PIGU: variants seen among roughly 807,000 people sequenced by gnomAD.
PIGU encodes GPI-anchor transamidase component PIGU.
PIGU carries 24 observed loss-of-function variants against 49.9 expected under a neutral mutation model. The observed-to-expected ratio is 0.48, with a 90% CI of 0.35 to 0.68. The LOEUF (loss-of-function observed/expected upper bound fraction) is 0.68, where lower values mean the gene tolerates loss of function less well. PIGU is among the 30% of genes least tolerant of loss of function. PIGU has a pLI of 0.01. For synonymous variants in PIGU, 220 were observed against 205.7 expected (o/e 1.07, Z -0.59); for missense variants, 490 against 532.6 (o/e 0.92, Z 0.79).
chr20:34,575,038 G>A (rs1175854138), intron 11 of PIGU, 66 bp downstream of exon 11: 19 of 1,582,440 alleles, frequency 1.2e-5, no homozygotes, highest in Admixed American at 1.0e-4. Context: ...CAAGGCCATC[G>A]TTGAATGCTT....
At chr20:34,617,524 A>G (rs577232312) in intron 6 of PIGU, among the ~76,000 whole-genome samples, 30 of 152,228 alleles carry the variant, frequency 2.0e-4, no homozygotes, top group Admixed American at 3.3e-4. Context: ...AATTTCTCCT[A>G]TTTGTAACGG....
intron 6 of PIGU, among the ~76,000 whole-genome samples, chr20:34,621,793 A>G (rs373303859): frequency 1.3e-5 from 2 of 152,202 alleles, no homozygotes; most frequent in Non-Finnish European, 2.9e-5. Context: ...CTCTATACGA[A>G]GAGTGTGATG....
chr20:34,587,613 T>A (rs1983752152), intron 8 of PIGU, among the ~76,000 whole-genome samples: 2 of 152,200 alleles, frequency 1.3e-5, no homozygotes, highest in African/African-American at 4.8e-5. Flanking sequence ...ATATTCCTCC[T>A]GAGATTTTGT....
chr20:34,666,757 C>T (rs1354343111), intron 1 of PIGU, among the ~76,000 whole-genome samples: 1 of 135,776 alleles, frequency 7.4e-6, no homozygotes, highest in African/African-American at 2.8e-5. Context: ...AGTGCAGTGG[C>T]GCGATCTCGG....
chr20:34,645,273 A>ACCTT lies in PIGU; in HGVS notation c.255+1_255+2insAAGG. Reference sequence around the variant, plus strand: ...ATCAATTTTATATGGAAGGTTACTTACCATAAACACCAATTCAGCATAGTC... The same window carrying ACCTT: ...ATCAATTTTATATGGAAGGTTACTTACCTTCCATAAACACCAATTCAGCATAGTC... On this transcript the variant is annotated splice_donor_variant, in intron 3 of 11. Transcript: ENST00000217446. LOFTEE classifies it high-confidence loss of function. 1 of 1,568,578 alleles carries ACCTT rather than the reference A, an allele frequency of 6.4e-7. No homozygotes were observed. Among genetic ancestry groups the ACCTT allele is most frequent in the Non-Finnish European group, 8.6e-7 (1 of 1,164,914 alleles).
intron 6 of PIGU, among the ~76,000 whole-genome samples, chr20:34,630,696 G>A (rs1036838405): frequency 1.3e-5 from 2 of 151,930 alleles, no homozygotes; most frequent in Admixed American, 6.6e-5. Context: ...ACCCAAGCTG[G>A]AGTACAGTGG....
intron 1 of PIGU, among the ~76,000 whole-genome samples, chr20:34,672,063 C>T (rs1024558084): frequency 2.3e-4 from 35 of 152,114 alleles, no homozygotes; most frequent in African/African-American, 7.5e-4. Flanking sequence ...CTTAGCGTCC[C>T]GAGTAGCTGA....
chr20:34,601,083 ACACT>A (rs1984401926), intron 7 of PIGU, among the ~76,000 whole-genome samples: 1 of 151,836 alleles, frequency 6.6e-6, no homozygotes, highest in Non-Finnish European at 1.5e-5. Flanking sequence ...TCCTGAACAC[ACACT>A]CAGGAAATGA....
At chr20:34,661,383 G>A (rs1169349589) in intron 1 of PIGU, among the ~76,000 whole-genome samples, 3 of 151,976 alleles carry the variant, frequency 2.0e-5, no homozygotes, top group African/African-American at 7.3e-5. Context: ...CCTCAAGTAG[G>A]CCCAGGTATC....
intron 1 of PIGU, among the ~76,000 whole-genome samples, chr20:34,666,154 C>A (rs994244945): frequency 1.3e-5 from 2 of 152,014 alleles, no homozygotes; most frequent in African/African-American, 4.8e-5. Flanking sequence ...CCACTGTACT[C>A]CAGCCCGGGC....
chr20:34,593,768 T>G (rs1237192532), intron 7 of PIGU, among the ~76,000 whole-genome samples: 1 of 152,168 alleles, frequency 6.6e-6, no homozygotes, highest in African/African-American at 2.4e-5. Context: ...GATAAAGCAC[T>G]GTACTAGAAA....
intron 7 of PIGU, among the ~76,000 whole-genome samples, chr20:34,600,276 G>A (rs1247963357): frequency 2.0e-5 from 3 of 151,940 alleles, no homozygotes; most frequent in African/African-American, 4.8e-5. Context: ...ACTTGGTGGT[G>A]GGCATCTGTA....
intron 1 of PIGU, among the ~76,000 whole-genome samples, chr20:34,668,883 T>A (rs1258564772): frequency 4.7e-5 from 6 of 129,026 alleles, no homozygotes; most frequent in African/African-American, 1.8e-4. Flanking sequence ...TTTTTTTTTT[T>A]TTTTTTTTTT....
chr20:34,612,053 T>C (rs1984835677), intron 7 of PIGU, among the ~76,000 whole-genome samples: 1 of 152,160 alleles, frequency 6.6e-6, no homozygotes, highest in Non-Finnish European at 1.5e-5. Flanking sequence ...TAAAGATATA[T>C]GCACACGTAT....
At chr20:34,633,250 G>A (rs1985848520) in intron 6 of PIGU, among the ~76,000 whole-genome samples, 1 of 152,160 alleles carries the variant, frequency 6.6e-6, no homozygotes, top group Non-Finnish European at 1.5e-5. Context: ...GATCGCTTAA[G>A]TCCAGGAATT....
chr20:34,601,023 A>C (rs1984395940), intron 7 of PIGU, among the ~76,000 whole-genome samples: 1 of 149,044 alleles, frequency 6.7e-6, no homozygotes, highest in South Asian at 2.1e-4. Context: ...AAAAAGAACG[A>C]AACTCTGTCT....
In PIGU at chr20:34,591,276, T is replaced by C. The variant is rs553906864; in HGVS notation, c.628-2669A>G. ...TAACTAATAACAGTCTCAAAATATA[T>C]AAAACAAAAGTGGATTAAGCTACAA... is the stretch of plus-strand genomic sequence containing the variant. On this transcript the variant is annotated intron_variant, in intron 7 of 11. Transcript: ENST00000217446. Among the ~76,000 whole-genome samples, 53 of 152,098 alleles carry C rather than the reference T, an allele frequency of 3.5e-4. No homozygotes were observed. In the South Asian group the frequency reaches 3.7e-3, roughly 11 times the overall value.
At chr20:34,628,495 A>C (rs1168372280) in intron 6 of PIGU, among the ~76,000 whole-genome samples, 1 of 152,212 alleles carries the variant, frequency 6.6e-6, no homozygotes, top group Non-Finnish European at 1.5e-5. Context: ...CTAAATATTT[A>C]ATGATACATA....
intron 8 of PIGU, among the ~76,000 whole-genome samples, chr20:34,588,057 G>C (rs1983770135): frequency 6.6e-6 from 1 of 152,118 alleles, no homozygotes; most frequent in Non-Finnish European, 1.5e-5. Context: ...ATTGAGACCA[G>C]CCTGGCTAAC....
Sources: allele counts gnomAD v4.1 joint callset (sites outside exome capture counted in the v4.1 genomes callset), GRCh38; gene constraint gnomAD v4.1.1; transcripts MANE v1.5; gene names NCBI Gene and HGNC (gene_info 2026-07-23, HGNC 2026-07-21).